BAIAP2L2: variants seen among roughly 807,000 people sequenced by gnomAD.
BAIAP2L2 encodes the protein BAR/IMD domain containing adaptor protein 2 like 2.
A neutral mutation model predicts 60.4 loss-of-function variants in BAIAP2L2; 65 were observed. The ratio of observed to expected loss-of-function variants is 1.08; its 90% confidence interval spans 0.88 to 1.32. The LOEUF (loss-of-function observed/expected upper bound fraction) is 1.32, where lower values mean the gene tolerates loss of function less well. Ranked by LOEUF, BAIAP2L2 falls within the 40% of genes most tolerant of loss-of-function variation. The pLI, the probability that BAIAP2L2 is intolerant of heterozygous loss-of-function variation, is 0.00. For synonymous variants in BAIAP2L2, 344 were observed against 301.7 expected (o/e 1.14, Z -1.45); for missense variants, 836 against 741.2 (o/e 1.13, Z -1.48).
At chr22:38,109,561 G>C (rs571488489) in intron 1 of BAIAP2L2, among the ~76,000 whole-genome samples, 5 of 152,176 alleles carry the variant, frequency 3.3e-5, no homozygotes, top group Non-Finnish European at 7.4e-5. Context: ...GTCCCCACTG[G>C]GCACGGCTCA....
chr22:38,088,364 C>T (rs1043295270), intron 10 of BAIAP2L2, among the ~76,000 whole-genome samples: 1 of 152,210 alleles, frequency 6.6e-6, no homozygotes, highest in African/African-American at 2.4e-5. Context: ...CACATTTAAG[C>T]CCCTACTCCC....
At chr22:38,094,664 GGCA>G (rs1440746597) in intron 7 of BAIAP2L2, among the ~76,000 whole-genome samples, 18 of 152,280 alleles carry the variant, frequency 1.2e-4, no homozygotes, top group African/African-American at 4.3e-4. Flanking sequence ...GTTTCTCCCT[GGCA>G]GACCTTTTGT....
intron 2 of BAIAP2L2, 124 bp downstream of exon 2, chr22:38,109,009 T>C: frequency 3.9e-6 from 3 of 762,028 alleles, no homozygotes; most frequent in Non-Finnish European, 6.2e-6. Context: ...GTGAGGGTGG[T>C]GGGTAGGAGG....
At chr22:38,088,389 C>T (rs1487924660) in intron 10 of BAIAP2L2, among the ~76,000 whole-genome samples, 2 of 152,246 alleles carry the variant, frequency 1.3e-5, no homozygotes, top group Non-Finnish European at 2.9e-5. Context: ...CAGCCCCCTG[C>T]ATCAGAGTTC....
At chr22:38,108,730 A>G (rs2086722881) in intron 2 of BAIAP2L2, among the ~76,000 whole-genome samples, 1 of 151,640 alleles carries the variant, frequency 6.6e-6, no homozygotes, top group Admixed American at 6.6e-5. Context: ...TGAAGTGAGG[A>G]AGCCAGCTGC....
chr22:38,089,746 C>T lies in BAIAP2L2; in HGVS notation c.613-72G>A, dbSNP rs1360934673. 13 of 1,205,156 alleles carry T rather than the reference C, an allele frequency of 1.1e-5. 1 individual carries two copies. Among genetic ancestry groups the T allele is most frequent in the Admixed American group, 4.3e-5 (1 of 23,272 alleles). 74.7% of individuals were successfully genotyped at this position (1,205,156 alleles called of 1,614,324 possible). A position where few individuals can be genotyped will look rare whatever the true frequency, so the allele number is the denominator to read the frequency against. On this transcript the variant is annotated intron_variant, in intron 7 of 13. Transcript: ENST00000381669. ...TGAATCCTGGGGACCCAAAATGACACCCTCGACCTGAGAGCTCAGGCCCTA... is the reference window on the plus strand; with the variant it reads ...TGAATCCTGGGGACCCAAAATGACATCCTCGACCTGAGAGCTCAGGCCCTA...
At position 38,085,225 on chromosome 22, in the gene BAIAP2L2, C is replaced by T; in HGVS notation, c.*75G>A. Reference sequence around the variant, plus strand: ...CCGCTTCTTGGATCTGCTGCTGTTGCTGCTGTCGCTGCCATTGCCAGCTCT... The same window carrying T: ...CCGCTTCTTGGATCTGCTGCTGTTGTTGCTGTCGCTGCCATTGCCAGCTCT... On this transcript the variant is annotated 3_prime_UTR_variant, in exon 14 of 14. Transcript: ENST00000381669. The T allele has an allele frequency of 1.0e-5, 15 of 1,490,652 alleles. No homozygotes were observed. Among genetic ancestry groups the T allele is most frequent in the Non-Finnish European group, 1.4e-5 (15 of 1,078,250 alleles). The allele number at this position is 1,490,652 out of a possible 1,614,324, so 92.3% of individuals were successfully genotyped here. A position where few individuals can be genotyped will look rare whatever the true frequency, so the allele number is the denominator to read the frequency against.
At chr22:38,098,360 G>A (rs1364123102) in intron 5 of BAIAP2L2, 51 bp downstream of exon 5, 1 of 1,568,224 alleles carries the variant, frequency 6.4e-7, no homozygotes, top group East Asian at 2.3e-5. Flanking sequence ...AAATGGGAGA[G>A]GGGGTCCTGC....
intron 10 of BAIAP2L2, 30 bp downstream of exon 10, chr22:38,088,716 CCA>C: frequency 1.7e-6 from 2 of 1,159,894 alleles, no homozygotes; most frequent in Non-Finnish European, 2.5e-6. Context: ...TCTTCTCAAC[CCA>C]CCCCCGGCCC....
At chr22:38,106,505 G>A (rs1184779938) in intron 4 of BAIAP2L2, among the ~76,000 whole-genome samples, 5 of 142,100 alleles carry the variant, frequency 3.5e-5, no homozygotes, top group Admixed American at 3.0e-4. Flanking sequence ...GGACGACAGA[G>A]CAAGACTCCG....
intron 4 of BAIAP2L2, among the ~76,000 whole-genome samples, chr22:38,100,874 C>T (rs1430803717): frequency 6.6e-6 from 1 of 152,158 alleles, no homozygotes; most frequent in East Asian, 1.9e-4. Flanking sequence ...AAAGAATATA[C>T]AGGGCACAGT....
chr22:38,089,460 C>A (rs2086223188), intron 8 of BAIAP2L2, 62 bp downstream of exon 8: 3 of 993,412 alleles, frequency 3.0e-6, no homozygotes, highest in Non-Finnish European at 3.8e-6. Context: ...GGGCCTGAGG[C>A]CCCGGGCCCC....
chr22:38,094,917 C>T (rs1569223732), intron 7 of BAIAP2L2, among the ~76,000 whole-genome samples: 2 of 151,946 alleles, frequency 1.3e-5, no homozygotes, highest in Non-Finnish European at 1.5e-5. Flanking sequence ...TTTGGGAGGC[C>T]GAGGCAGGTG....
intron 4 of BAIAP2L2, among the ~76,000 whole-genome samples, chr22:38,100,395 G>A (rs1040780478): frequency 1.3e-5 from 2 of 151,968 alleles, no homozygotes; most frequent in East Asian, 1.9e-4. Context: ...GCCTGGTGGC[G>A]GCTGCCTGTA....
At chr22:38,109,082 G>GTCCCTTTTT in intron 2 of BAIAP2L2, 51 bp downstream of exon 2, 1 of 1,249,580 alleles carries the variant, frequency 8.0e-7, no homozygotes, top group African/African-American at 1.6e-5. Flanking sequence ...TGGGTGGGTG[G>GTCCCTTTTT]GAACAGCAGA....
intron 10 of BAIAP2L2, among the ~76,000 whole-genome samples, chr22:38,087,842 TCCA>T (rs1331148448): frequency 1.4e-5 from 2 of 145,920 alleles, no homozygotes; most frequent in South Asian, 2.2e-4. Flanking sequence ...TCAGTGTCTG[TCCA>T]CCACATCTGC....
Position 38,088,905 on chromosome 22 carries a change from CCGGGCGCT to C in BAIAP2L2, c.953_960del (p.Glu318GlyfsTer112), listed in dbSNP as rs747232727. 4.5e-6 allele frequency: 7 copies of C among 1,562,842 alleles called. No homozygotes were observed. The highest frequency in any genetic ancestry group is 1.9e-5 in the Admixed American group (1 of 54,026). On this transcript the variant is annotated frameshift_variant, in exon 10 of 14. Transcript: ENST00000381669. LOFTEE classifies it high-confidence loss of function. Reference sequence around the variant, plus strand: ...ACTCTCCTGGCGCCCCCGCCGCCGCCCGGGCGCTCGCCAAAGGAGTTGGAGCGCGAGCT... The same window carrying C: ...ACTCTCCTGGCGCCCCCGCCGCCGCCCGCCAAAGGAGTTGGAGCGCGAGCT...
At chr22:38,085,640 CA>C in intron 13 of BAIAP2L2, 45 bp downstream of exon 13, 15 of 1,596,894 alleles carry the variant, frequency 9.4e-6, no homozygotes, top group Non-Finnish European at 1.3e-5. Context: ...TGTGCCGCCG[CA>C]CCTGCCACCC....
At chr22:38,089,401 G>A in intron 8 of BAIAP2L2, 121 bp downstream of exon 8, 1 of 618,524 alleles carries the variant, frequency 1.6e-6, no homozygotes, top group Non-Finnish European at 2.3e-6. Flanking sequence ...GGCAGGCCGG[G>A]GGATGCAGCG....
Sources: gnomAD v4.1 joint callset for allele counts (sites outside exome capture counted in the v4.1 genomes callset) on GRCh38, gnomAD v4.1.1 for gene constraint, MANE v1.5 for transcripts, NCBI Gene and HGNC (gene_info 2026-07-23, HGNC 2026-07-21) for gene names.